Variants in ADAM12 observed in about 807,000 individuals in gnomAD.
ADAM12 encodes ADAM metallopeptidase domain 12, also known as disintegrin and metalloproteinase domain-containing protein 12.
Under a neutral mutation model 106.4 loss-of-function variants are expected in ADAM12, and 70 were observed. The ratio of observed to expected loss-of-function variants is 0.66; its 90% CI spans 0.54 to 0.80. ADAM12 has a LOEUF of 0.80. Among genes scored for constraint, ADAM12 ranks in the 30% least tolerant of loss-of-function variants. ADAM12 has a pLI of 0.00. For missense variants in ADAM12, 1,010 were observed against 1,171.9 expected, an observed-to-expected ratio of 0.86 and a Z score of 2.02; for synonymous variants, 420 against 433.5, an observed-to-expected ratio of 0.97 and a Z score of 0.39.
intron 3 of ADAM12, among the ~76,000 whole-genome samples, chr10:126,161,764 G>T (rs1052237910): frequency 7.2e-5 from 11 of 152,286 alleles, no homozygotes; most frequent in Non-Finnish European, 5.9e-5. Context: ...GAGAACTAAG[G>T]GGGGTGGATG....
chr10:126,056,627 G>GTTGGCC lies in ADAM12; in HGVS notation c.1610-6959_1610-6958insGGCCAA, dbSNP rs1322974246. 5.6e-4 allele frequency among the ~76,000 whole-genome samples: 18 copies of GTTGGCC among 31,924 alleles called. 1 individual carries two copies. The highest frequency in any genetic ancestry group is 1.2e-3 in the South Asian group (1 of 802). The allele number at this position is 31,924 out of a possible 152,430, so 20.9% of individuals were successfully genotyped here. On this transcript the variant is annotated intron_variant, in intron 14 of 22. Coordinates refer to ENST00000448723, the MANE Select transcript of ADAM12 (RefSeq NM_001288973.2). The stretch of plus-strand genomic sequence containing the variant: ...AGCCCTGTTTACAATGCTTACTCTT[G>GTTGGCC]AGTGTGATATTCCCCTTCCTGTGTC...
intron 2 of ADAM12, among the ~76,000 whole-genome samples, chr10:126,316,746 T>C (rs1253700373): frequency 2.1e-5 from 3 of 144,438 alleles, no homozygotes; most frequent in African/African-American, 7.8e-5. Flanking sequence ...ATTGTGCCAC[T>C]GCACTCCAGC....
chr10:126,248,648 G>A (rs1958677013), intron 3 of ADAM12, among the ~76,000 whole-genome samples: 1 of 148,102 alleles, frequency 6.8e-6, no homozygotes. Flanking sequence ...GAGCCTCACA[G>A]GTATGTATGT....
chr10:126,024,284 ACTT>A (rs1030612670), intron 21 of ADAM12, among the ~76,000 whole-genome samples: 4 of 152,308 alleles, frequency 2.6e-5, no homozygotes, highest in African/African-American at 7.2e-5. Flanking sequence ...TTAATGTTTC[ACTT>A]CTTTTGAAAA....
intron 1 of ADAM12, among the ~76,000 whole-genome samples, chr10:126,383,610 G>C (rs989519051): frequency 1.3e-5 from 2 of 151,552 alleles, no homozygotes; most frequent in Non-Finnish European, 1.5e-5. Context: ...CTTCCAAAAA[G>C]AAAAAAAGAC....
chr10:126,338,245 CATTTTTTT>C lies in ADAM12; in HGVS notation c.89-7744_89-7737del, dbSNP rs1854780995. Among the ~76,000 whole-genome samples, 4 of 106,348 alleles carry C rather than the reference CATTTTTTT, an allele frequency of 3.8e-5. No homozygotes were observed. The South Asian group carries it at 1.1e-3, about 30-fold the overall frequency. 69.8% of individuals were successfully genotyped at this position (106,348 alleles called of 152,430 possible). ...CAAAGTCACTTACAACAGTAACTTACATTTTTTTTTTTTTTTTTTTTTTTTGAGACGGA... is the reference window on the plus strand; with the variant it reads ...CAAAGTCACTTACAACAGTAACTTACTTTTTTTTTTTTTTTTTGAGACGGA... On this transcript the variant is annotated intron_variant, in intron 1 of 22. Transcript: ENST00000448723.
rs563783744 is a variant in ADAM12 at position 126,373,550 on chromosome 10, G to C, written c.88+14508C>G. On this transcript the variant is annotated intron_variant, in intron 1 of 22. Coordinates refer to ENST00000448723, the MANE Select transcript of ADAM12 (RefSeq NM_001288973.2). ...TTTTTATGATCCACTCGCTCTAGAG[G>C]CCATGAAATGAGGGTGTCTGTTCTT... Among the ~76,000 whole-genome samples the C allele has an allele frequency of 2.6e-5, 4 of 152,296 alleles. No homozygotes were observed. The East Asian group carries it at 7.7e-4, about 29-fold the overall frequency.
At position 126,014,313 on chromosome 10, in the gene ADAM12, G is replaced by GATTTT. The variant is rs1953619976; in HGVS notation, c.*2965_*2966insAAAAT. The GATTTT allele has an allele frequency of 1.7e-4, 8 of 46,300 alleles. No individual in the cohort carries two copies. The highest frequency in any genetic ancestry group is 2.9e-4 in the Non-Finnish European group (7 of 24,030). 2.9% of individuals were successfully genotyped at this position (46,300 alleles called of 1,614,324 possible). On this transcript the variant is annotated 3_prime_UTR_variant, in exon 23 of 23. Transcript: ENST00000448723. Reference sequence around the variant, plus strand: ...GAACATTTTGACACAGTTTTAGCCGGTTTTTTTTTTTTTTTTTTTTTTTTG... The same window carrying GATTTT: ...GAACATTTTGACACAGTTTTAGCCGGATTTTTTTTTTTTTTTTTTTTTTTTTTTTG...
chr10:126,310,714 G>C (rs747708093), intron 2 of ADAM12, among the ~76,000 whole-genome samples: 2 of 152,090 alleles, frequency 1.3e-5, no homozygotes, highest in Non-Finnish European at 2.9e-5. Flanking sequence ...TGGATCACTG[G>C]GTGGGATGTG....
At chr10:126,378,052 C>T (rs1856356915) in intron 1 of ADAM12, among the ~76,000 whole-genome samples, 1 of 151,962 alleles carries the variant, frequency 6.6e-6, no homozygotes, top group African/African-American at 2.4e-5. Flanking sequence ...AACATATAAA[C>T]ACATAAGAAT....
chr10:126,274,818 C>T (rs921251513), intron 3 of ADAM12, among the ~76,000 whole-genome samples: 2 of 152,182 alleles, frequency 1.3e-5, no homozygotes, highest in African/African-American at 2.4e-5. Flanking sequence ...CCATCTAATG[C>T]CATCTCCACA....
intron 14 of ADAM12, among the ~76,000 whole-genome samples, chr10:126,051,588 T>TCCATCCAGCCAGCCAGCCAG (rs1281562847): frequency 2.1e-4 from 26 of 124,396 alleles, no homozygotes; most frequent in Middle Eastern, 4.5e-3. Flanking sequence ...CATCCATCCA[T>TCCATCCAGCCAGCCAGCCAG]CCAGCCAGCC....
intron 3 of ADAM12, among the ~76,000 whole-genome samples, chr10:126,264,591 C>T (rs1316944648): frequency 6.6e-6 from 1 of 152,100 alleles, no homozygotes; most frequent in Non-Finnish European, 1.5e-5. Flanking sequence ...AGACAAACGC[C>T]CTCGTTTTGT....
intron 17 of ADAM12, among the ~76,000 whole-genome samples, chr10:126,044,765 A>G (rs564941074): frequency 7.2e-5 from 11 of 152,354 alleles, no homozygotes; most frequent in African/African-American, 2.6e-4. Flanking sequence ...TAGAAAGTAG[A>G]CTGCTATAAA....
chr10:126,081,591 G>A (rs140658151), intron 11 of ADAM12, among the ~76,000 whole-genome samples: 1,882 of 152,274 alleles, frequency 0.012, 41 homozygotes, highest in African/African-American at 0.041. Flanking sequence ...TTACCTGGGC[G>A]TGTGGTGAGA....
At chr10:126,160,152 G>A (rs561417264) in intron 3 of ADAM12, among the ~76,000 whole-genome samples, 3 of 152,324 alleles carry the variant, frequency 2.0e-5, no homozygotes, top group African/African-American at 7.2e-5. Flanking sequence ...GACAGGAACA[G>A]GAGGAAAGCC....
intron 2 of ADAM12, among the ~76,000 whole-genome samples, chr10:126,289,016 C>T (rs951048025): frequency 9.3e-5 from 14 of 149,934 alleles, no homozygotes; most frequent in African/African-American, 3.5e-4. Context: ...GACATGGTGA[C>T]CCAGGAATAA....
chr10:126,071,132 G>A (rs1350204655), intron 12 of ADAM12, among the ~76,000 whole-genome samples: 10 of 152,178 alleles, frequency 6.6e-5, no homozygotes, highest in Admixed American at 6.5e-4. Flanking sequence ...AAAAGAAATG[G>A]TGCTTATTAG....
chr10:126,135,359 A>T, intron 5 of ADAM12: 1 of 534,216 alleles, frequency 1.9e-6, no homozygotes, highest in Non-Finnish European at 3.3e-6. Context: ...AGGCCTGAGG[A>T]TGGCACTGTA....
Sources: gnomAD v4.1 joint callset for allele counts (sites outside exome capture counted in the v4.1 genomes callset) on GRCh38, gnomAD v4.1.1 for gene constraint, MANE v1.5 for transcripts, NCBI Gene and HGNC (gene_info 2026-07-23, HGNC 2026-07-21) for gene names.